Variants in COL7A1 observed in about 807,000 individuals in gnomAD.
The protein encoded by COL7A1 is collagen type VII alpha 1 chain, also known as collagen alpha-1(VII) chain.
COL7A1 carries 296 observed loss-of-function variants against 456.2 expected under a neutral mutation model. The ratio of observed to expected loss-of-function variants is 0.65; its 90% CI spans 0.59 to 0.71. COL7A1 has a LOEUF of 0.71. Among genes scored for constraint, COL7A1 ranks in the 30% least tolerant of loss-of-function variants. COL7A1 has a pLI of 0.00. For synonymous variants in COL7A1, 1,464 were observed against 1,525.9 expected (o/e 0.96, Z 0.95); for missense variants, 3,441 against 4,017.2 (o/e 0.86, Z 3.88).
At position 48,581,890 on chromosome 3, in the gene COL7A1, C is replaced by T. The variant is rs748438558; in HGVS notation, c.4668+21G>A. The T allele has an allele frequency of 6.2e-7, 1 of 1,614,116 alleles. No homozygotes were observed. On this transcript the variant is annotated intron_variant, in intron 48 of 118. Transcript: ENST00000681320. The surrounding 1 kb of genome is among the most constrained non-coding windows in gnomAD (Gnocchi z 5.8). ...GACCTCAACCCTGTAGAAACCTCCCCTTGCCCCATACCAGGCTTACCTTTT... is the reference window on the plus strand; with the variant it reads ...GACCTCAACCCTGTAGAAACCTCCCTTTGCCCCATACCAGGCTTACCTTTT...
Position 48,592,486 on chromosome 3 carries a change from A to C in COL7A1, c.977-19T>G, listed in dbSNP as rs200827838. 7.9e-5 allele frequency: 127 copies of C among 1,609,812 alleles called. No individual in the cohort carries two copies. The highest frequency in any genetic ancestry group is 1.1e-4 in the Non-Finnish European group (125 of 1,177,120). ...AGGGCAGCTGGGGGAGAGTCCCACC[A>C]GGGATTCATGGAGTCAGAAGTGGGA... On this transcript the variant is annotated intron_variant, in intron 8 of 118. Transcript: ENST00000681320. This position sits in a 1 kb window ranked among gnomAD's most constrained non-coding sequence, Gnocchi z 7.6.
In COL7A1 at chr3:48,567,026, G is replaced by A. The variant is rs1232380649; in HGVS notation, c.8110-3C>T. The A allele has an allele frequency of 1.2e-5, 20 of 1,613,380 alleles. No individual in the cohort carries two copies. The highest frequency in any genetic ancestry group is 1.6e-5 in the Non-Finnish European group (19 of 1,179,638). ...AAGCCCCCAATTCCTGGGGTTCCCT[G>A]GGGAGATATAGGACAGAGTCAGTAA... On this transcript the variant is annotated splice_polypyrimidine_tract_variant and splice_region_variant and intron_variant, in intron 110 of 118. Transcript: ENST00000681320. The surrounding 1 kb of genome is among the most constrained non-coding windows in gnomAD (Gnocchi z 4.3).
In COL7A1 at chr3:48,570,338, G is replaced by A; in HGVS notation, c.7381-4C>T. The A allele has an allele frequency of 6.2e-7, 1 of 1,614,096 alleles. No homozygotes were observed. The highest frequency in any genetic ancestry group is 8.5e-7 in the Non-Finnish European group (1 of 1,179,990). On this transcript the variant is annotated splice_polypyrimidine_tract_variant and splice_region_variant and intron_variant, in intron 97 of 118. Transcript: ENST00000681320. The surrounding 1 kb of genome is among the most constrained non-coding windows in gnomAD (Gnocchi z 5.5). ...GCAGCCCTACTCCAGGGTCTCCCTG[G>A]AGACCAACAGGACACCGGGGATCAG...
At position 48,590,234 on chromosome 3, in the gene COL7A1, C is replaced by T; in HGVS notation, c.2029G>A (p.Ala677Thr). 2 of 1,613,650 alleles carry T rather than the reference C, an allele frequency of 1.2e-6. No individual in the cohort carries two copies. Among genetic ancestry groups the T allele is most frequent in the Non-Finnish European group, 1.7e-6 (2 of 1,179,950 alleles). Residue 677 changes from alanine (A) to threonine (T), a missense_variant, in exon 16 of 119, where the codon GCA becomes ACA. This residue lies in a region of COL7A1 where 913 missense variants were observed against 1,088.2 expected (regional missense o/e 0.84). Coordinates refer to ENST00000681320, the MANE Select transcript of COL7A1 (RefSeq NM_000094.4). This position sits in a 1 kb window ranked among gnomAD's most constrained non-coding sequence, Gnocchi z 4.6. ...VLRGREEGPA[A>T]VIVARTDPLG... ...TGACCCGTTCGAGCCACGATGACTG[C>T]AGCAGGGCCCTCCTCTCTGCCTCGC...
At position 48,581,220 on chromosome 3, in the gene COL7A1, T is replaced by A. The variant is rs756933967; in HGVS notation, c.4899+40A>T. 4 of 1,606,388 alleles carry A rather than the reference T, an allele frequency of 2.5e-6. No individual in the cohort carries two copies. In the East Asian group the frequency reaches 6.7e-5, roughly 27 times the overall value. ...CCCATGATGCTGGCAACAGCCCTAC[T>A]CCCTTACCCGCCATGACTCCCCCGA... On this transcript the variant is annotated intron_variant, in intron 52 of 118. Coordinates refer to ENST00000681320, the MANE Select transcript of COL7A1 (RefSeq NM_000094.4). The surrounding 1 kb of genome is among the most constrained non-coding windows in gnomAD (Gnocchi z 5.8).
At position 48,588,626 on chromosome 3, in the gene COL7A1, C is replaced by A. The variant is rs751163661; in HGVS notation, c.2587+16G>T. On this transcript the variant is annotated intron_variant, in intron 20 of 118. Coordinates refer to ENST00000681320, the MANE Select transcript of COL7A1 (RefSeq NM_000094.4). The surrounding 1 kb of genome is among the most constrained non-coding windows in gnomAD (Gnocchi z 4.6). ...ACACCACCCATCCGAAGCTCTCCAG[C>A]GCATGCTCTGCCTACGCGTAGTGAC... 1.9e-6 allele frequency: 3 copies of A among 1,613,818 alleles called. No individual in the cohort carries two copies. Among genetic ancestry groups the A allele is most frequent in the Non-Finnish European group, 2.5e-6 (3 of 1,180,046 alleles).
Position 48,579,101 on chromosome 3 carries a change from C to A in COL7A1, c.5388+96G>T. On this transcript the variant is annotated intron_variant, in intron 62 of 118. Coordinates refer to ENST00000681320, the MANE Select transcript of COL7A1 (RefSeq NM_000094.4). The surrounding 1 kb of genome is among the most constrained non-coding windows in gnomAD (Gnocchi z 4.4). Reference sequence around the variant, plus strand: ...AGACAACAGGTCTCGCCCCAGAGCTCGTCAAGGCCAAGACCAACCAATGAG... The same window carrying A: ...AGACAACAGGTCTCGCCCCAGAGCTAGTCAAGGCCAAGACCAACCAATGAG... 6.4e-7 allele frequency: 1 copy of A among 1,558,334 alleles called. No individual in the cohort carries two copies. Among genetic ancestry groups the A allele is most frequent in the South Asian group, 1.1e-5 (1 of 89,800 alleles).
chr3:48,594,272 A>C lies in COL7A1; in HGVS notation c.266+96T>G. The stretch of plus-strand genomic sequence containing the variant: ...AGGTTCCCCAAAACTTGTTTCTGCA[A>C]AGACCTGGCCTGGGGTTTCCAGGGT... On this transcript the variant is annotated intron_variant, in intron 3 of 118. Coordinates refer to ENST00000681320, the MANE Select transcript of COL7A1 (RefSeq NM_000094.4). The surrounding 1 kb of genome is among the most constrained non-coding windows in gnomAD (Gnocchi z 5.5). 2 of 1,458,074 alleles carry C rather than the reference A, an allele frequency of 1.4e-6. No homozygotes were observed. The highest frequency in any genetic ancestry group is 3.6e-5 in the Admixed American group (2 of 55,190). The allele number at this position is 1,458,074 out of a possible 1,614,324, so 90.3% of individuals were successfully genotyped here.
chr3:48,582,530 T>A lies in COL7A1; in HGVS notation c.4564-17A>T, dbSNP rs982886052. 1.2e-6 allele frequency: 2 copies of A among 1,613,854 alleles called. No individual in the cohort carries two copies. The highest frequency in any genetic ancestry group is 1.7e-6 in the Non-Finnish European group (2 of 1,179,968). On this transcript the variant is annotated splice_polypyrimidine_tract_variant and intron_variant, in intron 45 of 118. Coordinates refer to ENST00000681320, the MANE Select transcript of COL7A1 (RefSeq NM_000094.4). ...TGGTGGCCCCTGAATGTAGAGAAAGTGTGAGCCCAGGAGGGGAAGGGAAAG... is the reference window on the plus strand; with the variant it reads ...TGGTGGCCCCTGAATGTAGAGAAAGAGTGAGCCCAGGAGGGGAAGGGAAAG...
intron 36 of COL7A1, 33 bp downstream of exon 36, chr3:48,584,452 C>T (rs776295719): frequency 9.9e-6 from 16 of 1,613,690 alleles, no homozygotes; most frequent in Non-Finnish European, 1.3e-5. Flanking sequence ...CCCCCCACTA[C>T]ACATCACTTG....
intron 71 of COL7A1, 145 bp downstream of exon 71, chr3:48,576,104 G>A: frequency 7.1e-7 from 1 of 1,415,850 alleles, no homozygotes; most frequent in Non-Finnish European, 9.8e-7. Flanking sequence ...TCCCTTGAGT[G>A]TGGGCTACAA....
intron 71 of COL7A1, 143 bp from the exon 72 acceptor site, chr3:48,576,045 G>T: frequency 6.9e-7 from 1 of 1,447,516 alleles, no homozygotes; most frequent in Non-Finnish European, 9.6e-7. Flanking sequence ...TTGAGGCATG[G>T]CTGGAGACTC....
Position 48,588,157 on chromosome 3 carries a change from G to A in COL7A1, c.2710+125C>T. On this transcript the variant is annotated intron_variant, in intron 21 of 118. Transcript: ENST00000681320. The surrounding 1 kb of genome is among the most constrained non-coding windows in gnomAD (Gnocchi z 4.6). ...ACTTCATTGATTGATCTTACCTACT[G>A]TCACGGATCCCGCAGACCCCCAGTG... The A allele has an allele frequency of 1.2e-5, 18 of 1,479,318 alleles. No individual in the cohort carries two copies. The highest frequency in any genetic ancestry group is 1.7e-5 in the Non-Finnish European group (18 of 1,082,022). 91.6% of individuals were successfully genotyped at this position (1,479,318 alleles called of 1,614,324 possible). A position where few individuals can be genotyped will look rare whatever the true frequency, so the allele number is the denominator to read the frequency against.
chr3:48,579,022 A>C lies in COL7A1; in HGVS notation c.5389-68T>G, dbSNP rs1391546301. The C allele has an allele frequency of 1.9e-6, 3 of 1,602,782 alleles. No individual in the cohort carries two copies. Among genetic ancestry groups the C allele is most frequent in the Non-Finnish European group, 2.6e-6 (3 of 1,170,364 alleles). ...AGGGGCTCTAGTCCCTGTGAGCCTA[A>C]GGCCTGCATGGCAAGAACATGCCCC... On this transcript the variant is annotated intron_variant, in intron 62 of 118. Coordinates refer to ENST00000681320, the MANE Select transcript of COL7A1 (RefSeq NM_000094.4). This position sits in a 1 kb window ranked among gnomAD's most constrained non-coding sequence, Gnocchi z 4.4.
chr3:48,564,269 A>C lies in COL7A1; in HGVS notation c.*137T>G. The C allele has an allele frequency of 9.3e-7, 1 of 1,079,832 alleles. No individual in the cohort carries two copies. The allele number at this position is 1,079,832 out of a possible 1,614,324, so 66.9% of individuals were successfully genotyped here. A position where few individuals can be genotyped will look rare whatever the true frequency, so the allele number is the denominator to read the frequency against. On this transcript the variant is annotated 3_prime_UTR_variant, in exon 119 of 119. Transcript: ENST00000681320. The surrounding 1 kb of genome is among the most constrained non-coding windows in gnomAD (Gnocchi z 6.0). ...GGGGGAAGGCTAGACCCACGGGACCAAGTCACTGAAATAACGGACGTGCAC... is the reference window on the plus strand; with the variant it reads ...GGGGGAAGGCTAGACCCACGGGACCCAGTCACTGAAATAACGGACGTGCAC...
rs1205205725 is a variant in COL7A1, at chr3:48,590,919, G to T, written c.1637-103C>A. The T allele has an allele frequency of 2.5e-6, 3 of 1,198,830 alleles. No individual in the cohort carries two copies. Among genetic ancestry groups the T allele is most frequent in the East Asian group, 4.9e-5 (2 of 40,884 alleles). The allele number at this position is 1,198,830 out of a possible 1,614,324, so 74.3% of individuals were successfully genotyped here. A position where few individuals can be genotyped will look rare whatever the true frequency, so the allele number is the denominator to read the frequency against. The stretch of plus-strand genomic sequence containing the variant: ...ACGCAGAGTGAGAAGGGCCATGGGG[G>T]TGGGGATGTGGGGTGGTGGGGACCA... On this transcript the variant is annotated intron_variant, in intron 13 of 118. Transcript: ENST00000681320. This position sits in a 1 kb window ranked among gnomAD's most constrained non-coding sequence, Gnocchi z 4.6.
Position 48,580,061 on chromosome 3 carries a change from G to A in COL7A1, c.5098-4C>T. ...GTCCCGGGGGTCCTGGGGGACCCTG[G>A]GAAAGGAAATGATTATAGTCAATAG... On this transcript the variant is annotated splice_region_variant and splice_polypyrimidine_tract_variant and intron_variant, in intron 56 of 118. Coordinates refer to ENST00000681320, the MANE Select transcript of COL7A1 (RefSeq NM_000094.4). The surrounding 1 kb of genome is among the most constrained non-coding windows in gnomAD (Gnocchi z 4.5). 1 of 1,613,862 alleles carries A rather than the reference G, an allele frequency of 6.2e-7. No individual in the cohort carries two copies. Among genetic ancestry groups the A allele is most frequent in the Admixed American group, 1.7e-5 (1 of 60,008 alleles).
rs770094470 is a variant in COL7A1, at chr3:48,565,604, G to A, written c.8440+32C>T. 6.2e-7 allele frequency: 1 copy of A among 1,614,008 alleles called. No homozygotes were observed. The highest frequency in any genetic ancestry group is 8.5e-7 in the Non-Finnish European group (1 of 1,180,016). On this transcript the variant is annotated intron_variant, in intron 115 of 118. Transcript: ENST00000681320. The surrounding 1 kb of genome is among the most constrained non-coding windows in gnomAD (Gnocchi z 4.5). Reference sequence around the variant, plus strand: ...TGATAGGCAGGGCAGGGCCTGGGGTGAAGAAAGTTCTGGGAGTAGAAAACT... The same window carrying A: ...TGATAGGCAGGGCAGGGCCTGGGGTAAAGAAAGTTCTGGGAGTAGAAAACT...
At position 48,570,036 on chromosome 3, in the gene COL7A1, C is replaced by A; in HGVS notation, c.7485+98G>T. On this transcript the variant is annotated intron_variant, in intron 99 of 118. Coordinates refer to ENST00000681320, the MANE Select transcript of COL7A1 (RefSeq NM_000094.4). The surrounding 1 kb of genome is among the most constrained non-coding windows in gnomAD (Gnocchi z 5.5). ...AGGGGACAGGGGTAGACGAGGAGGG[C>A]CAGAGGGCTAGGGAGGATGGCAGAG... The A allele has an allele frequency of 6.3e-7, 1 of 1,592,888 alleles. No homozygotes were observed. Among genetic ancestry groups the A allele is most frequent in the Non-Finnish European group, 8.6e-7 (1 of 1,161,902 alleles).
Sources: gnomAD v4.1 joint callset for allele counts on GRCh38, gnomAD v4.1.1 for gene constraint, gnomAD v4.1.1 regional missense constraint, Gnocchi (gnomAD v3.1) non-coding constraint, MANE v1.5 for transcripts, NCBI Gene and HGNC (gene_info 2026-07-23, HGNC 2026-07-21) for gene names.